APP: variants seen among roughly 807,000 people sequenced by gnomAD.
The protein encoded by APP is amyloid beta precursor protein.
APP carries 31 observed loss-of-function variants against 101.4 expected under a neutral mutation model. The observed-to-expected ratio is 0.31, with a 90% CI of 0.23 to 0.41. The LOEUF is 0.41. APP is among the 10% of genes least tolerant of loss of function. APP has a pLI of 1.00. For synonymous variants in APP, 366 were observed against 364.4 expected, an observed-to-expected ratio of 1.00 and a Z score of -0.05; for missense variants, 839 against 1,003.7, an observed-to-expected ratio of 0.84 and a Z score of 2.22.
intron 3 of APP, among the ~76,000 whole-genome samples, chr21:26,078,763 C>T (rs9981894): frequency 0.27 from 40,964 of 152,064 alleles, 6,776 homozygotes; most frequent in East Asian, 0.37. Context: ...ACATCAAACT[C>T]GGCAGGGTGT....
chr21:25,934,228 T>C (rs1569075169), intron 13 of APP: 1 of 152,184 alleles, frequency 6.6e-6, no homozygotes, highest in African/African-American at 2.4e-5. Flanking sequence ...TAAGAGGCAG[T>C]GTGGCCCTGG....
At chr21:26,035,176 A>G (rs527598864) in intron 5 of APP, among the ~76,000 whole-genome samples, 1 of 152,178 alleles carries the variant, frequency 6.6e-6, no homozygotes, top group East Asian at 1.9e-4. Context: ...GCTACTCAGG[A>G]GGATCTCCAG....
intron 2 of APP, among the ~76,000 whole-genome samples, chr21:26,091,664 A>G (rs1027217800): frequency 1.3e-5 from 2 of 152,178 alleles, no homozygotes; most frequent in African/African-American, 4.8e-5. Flanking sequence ...GAGATGACCA[A>G]CAGGTGGAGG....
At chr21:25,908,493 T>C (rs373091852) in intron 14 of APP, among the ~76,000 whole-genome samples, 8 of 152,304 alleles carry the variant, frequency 5.3e-5, no homozygotes, top group South Asian at 4.1e-4. Flanking sequence ...TGTGTGTGTG[T>C]GCACATGTCT....
At chr21:26,150,034 C>T (rs974091591) in intron 1 of APP, among the ~76,000 whole-genome samples, 4 of 152,070 alleles carry the variant, frequency 2.6e-5, no homozygotes, top group Non-Finnish European at 4.4e-5. Context: ...ATTAAACTGA[C>T]GAGACAGATT....
chr21:26,017,977 C>T (rs1219010742), intron 6 of APP, among the ~76,000 whole-genome samples: 4 of 152,184 alleles, frequency 2.6e-5, no homozygotes, highest in Non-Finnish European at 5.9e-5. Context: ...CAGGGTCCCA[C>T]TCTGTTGCCC....
intron 1 of APP, among the ~76,000 whole-genome samples, chr21:26,132,018 T>G (rs1382190379): frequency 6.6e-6 from 1 of 151,942 alleles, no homozygotes; most frequent in African/African-American, 2.4e-5. Context: ...TGTGATACAA[T>G]CTAGCTGTCA....
At chr21:25,885,358 C>A (rs1266467061) in intron 17 of APP, among the ~76,000 whole-genome samples, 1 of 152,240 alleles carries the variant, frequency 6.6e-6, no homozygotes, top group Non-Finnish European at 1.5e-5. Flanking sequence ...CCTGTGCAGA[C>A]AGGGCCTCTG....
intron 13 of APP, among the ~76,000 whole-genome samples, chr21:25,926,422 C>A (rs1200839319): frequency 2.0e-5 from 3 of 152,174 alleles, no homozygotes; most frequent in African/African-American, 7.2e-5. Flanking sequence ...ATGCTACAGC[C>A]ATCTGCGATG....
chr21:25,975,264 A>G (rs201097716), intron 10 of APP, 36 bp from the exon 11 acceptor site: 9 of 1,613,890 alleles, frequency 5.6e-6, no homozygotes, highest in South Asian at 1.1e-5. Context: ...TGGGGACTGA[A>G]TAAGTAGGAT....
chr21:25,891,286 G>C (rs969166077), intron 17 of APP, among the ~76,000 whole-genome samples: 8 of 152,050 alleles, frequency 5.3e-5, no homozygotes, highest in African/African-American at 1.7e-4. Context: ...GTTGTATTGA[G>C]AGGCCAGACT....
At chr21:26,100,651 G>A (rs2062034491) in intron 2 of APP, among the ~76,000 whole-genome samples, 1 of 152,128 alleles carries the variant, frequency 6.6e-6, no homozygotes. Context: ...GGAGAAAGTT[G>A]GGCAAAGGAA....
intron 17 of APP, among the ~76,000 whole-genome samples, chr21:25,890,746 G>A (rs1174561662): frequency 7.7e-6 from 1 of 129,540 alleles, no homozygotes; most frequent in Non-Finnish European, 1.7e-5. Context: ...AAAAGCAATG[G>A]GGAATATGAG....
chr21:26,055,763 T>C (rs1347737010), intron 3 of APP, among the ~76,000 whole-genome samples: 1 of 152,224 alleles, frequency 6.6e-6, no homozygotes, highest in Non-Finnish European at 1.5e-5. Flanking sequence ...GCCTGTCATG[T>C]ACAAATAGGT....
chr21:25,937,133 G>C (rs868241691), intron 13 of APP, among the ~76,000 whole-genome samples: 4 of 152,050 alleles, frequency 2.6e-5, no homozygotes, highest in Admixed American at 6.5e-5. Context: ...TTCATTACAG[G>C]CAGTGGGAAA....
intron 1 of APP, among the ~76,000 whole-genome samples, chr21:26,118,804 T>C (rs1415524339): frequency 6.6e-6 from 1 of 151,934 alleles, no homozygotes; most frequent in African/African-American, 2.4e-5. Context: ...CCTCCCAAAG[T>C]GCTGGGATTA....
intron 1 of APP, among the ~76,000 whole-genome samples, chr21:26,155,811 T>C (rs1461506408): frequency 1.3e-5 from 2 of 152,048 alleles, no homozygotes; most frequent in Non-Finnish European, 2.9e-5. Flanking sequence ...CTGGCTAACA[T>C]GGTGAAACCC....
At chr21:26,023,418 T>C (rs933476339) in intron 5 of APP, among the ~76,000 whole-genome samples, 3 of 148,010 alleles carry the variant, frequency 2.0e-5, no homozygotes, top group Non-Finnish European at 3.0e-5. Flanking sequence ...TGTGCACCTG[T>C]AGTTCCAGCT....
chr21:26,102,383 C>G (rs1313584099), intron 2 of APP, among the ~76,000 whole-genome samples: 1 of 152,064 alleles, frequency 6.6e-6, no homozygotes, highest in Non-Finnish European at 1.5e-5. Context: ...GCCACTGCGC[C>G]CGGCCAAAAC....
Sources: allele counts gnomAD v4.1 joint callset (sites outside exome capture counted in the v4.1 genomes callset), GRCh38; gene constraint gnomAD v4.1.1; transcripts MANE v1.5; gene names NCBI Gene and HGNC (gene_info 2026-07-23, HGNC 2026-07-21).